NPIPB8: variants seen among roughly 807,000 people sequenced by gnomAD.
NPIPB8 encodes the protein nuclear pore complex-interacting protein family member B8.
A neutral mutation model predicts 5.3 loss-of-function variants in NPIPB8; 3 were observed. The ratio of observed to expected loss-of-function variants is 0.57; its 90% CI spans 0.26 to 1.47. The LOEUF (loss-of-function observed/expected upper bound fraction) is 1.47, where lower values mean the gene tolerates loss of function less well. NPIPB8 is among the 40% of genes most tolerant of loss of function. The probability of loss-of-function intolerance (pLI) is 0.13; values close to 1 mark genes in which losing one functional copy is unlikely to be tolerated. For missense variants in NPIPB8, 50 were observed against 50.2 expected (o/e 1.00, Z 0.01); for synonymous variants, 18 against 23.0 (o/e 0.78, Z 0.62).
intron 2 of NPIPB8, among the ~76,000 whole-genome samples, chr16:28,642,052 C>A (rs1466352963): frequency 6.6e-6 from 1 of 151,636 alleles, no homozygotes. Flanking sequence ...CTGACTTCAA[C>A]CCCCACTTAC....
chr16:28,639,967 T>G lies in NPIPB8; in HGVS notation c.120+1487T>G, dbSNP rs62035135. 2.5e-3 allele frequency among the ~76,000 whole-genome samples: 376 copies of G among 151,396 alleles called. 2 individuals carry two copies. Among genetic ancestry groups the G allele is most frequent in the Non-Finnish European group, 4.8e-3 (326 of 67,974 alleles). On this transcript the variant is annotated intron_variant, in intron 2 of 7. Coordinates refer to ENST00000683297, the MANE Select transcript of NPIPB8 (RefSeq NM_001310136.2). Reference sequence around the variant, plus strand: ...TGGCTAACATTGTGTACTCACTGTGTGTGCCAGGCCCTGGGTTCAATGCTC... The same window carrying G: ...TGGCTAACATTGTGTACTCACTGTGGGTGCCAGGCCCTGGGTTCAATGCTC...
At chr16:28,639,396 G>T (rs2047850715) in intron 2 of NPIPB8, among the ~76,000 whole-genome samples, 1 of 129,152 alleles carries the variant, frequency 7.7e-6, no homozygotes, top group Non-Finnish European at 1.7e-5. Context: ...GATTTATATA[G>T]ATACACACAC....
rs1220408641 is a variant in NPIPB8 at position 28,653,803 on chromosome 16, AT to A, written c.599+1441del. Among the ~76,000 whole-genome samples the A allele has an allele frequency of 2.0e-5, 2 of 97,740 alleles. 1 individual carries two copies. Among genetic ancestry groups the A allele is most frequent in the African/African-American group, 1.1e-4 (2 of 18,556 alleles). 64.1% of individuals were successfully genotyped at this position (97,740 alleles called of 152,430 possible). ...GCCAGGGTATTTCCTGTCCACCTCTATTCTGATGCATGACTCTTCTGGGTCT... is the reference window on the plus strand; with the variant it reads ...GCCAGGGTATTTCCTGTCCACCTCTATCTGATGCATGACTCTTCTGGGTCT... On this transcript the variant is annotated intron_variant, in intron 5 of 7. Coordinates refer to ENST00000683297, the MANE Select transcript of NPIPB8 (RefSeq NM_001310136.2).
rs747047175 is a variant in NPIPB8, at chr16:28,638,439, C to T, written c.79C>T (p.His27Tyr). 32 of 1,572,232 alleles carry T rather than the reference C, an allele frequency of 2.0e-5. No homozygotes were observed. The highest frequency in any genetic ancestry group is 2.1e-4 in the Middle Eastern group (1 of 4,746). Residue 27 changes from histidine (H) to tyrosine (Y), a missense_variant, in exon 2 of 8, where the codon CAT becomes TAT. Physicochemically the swap from His to Tyr is moderately conservative, Grantham distance 83. Transcript: ENST00000683297. ...QGQLTKELQQ[H>Y]VKSVTCPCEY... ...CCAGCTCACCAAGGAGCTGCAGCAG[C>T]ATGTAAAGTCAGTGACATGCCCATG... is the stretch of plus-strand genomic sequence containing the variant.
At position 28,638,317 on chromosome 16, in the gene NPIPB8, T is replaced by C. The variant is rs762393770; in HGVS notation, c.-38-6T>C. The C allele has an allele frequency of 8.3e-6, 13 of 1,559,100 alleles. No homozygotes were observed. The highest frequency in any genetic ancestry group is 1.1e-5 in the Non-Finnish European group (13 of 1,159,892). ...CAACAAACTTTTTTTCTTAATTGTC[T>C]AATAGGTTGGCACTCATCATGAGCC... On this transcript the variant is annotated splice_region_variant and splice_polypyrimidine_tract_variant and intron_variant, in intron 1 of 7. Coordinates refer to ENST00000683297, the MANE Select transcript of NPIPB8 (RefSeq NM_001310136.2).
chr16:28,642,155 G>T (rs1184551632), intron 2 of NPIPB8, among the ~76,000 whole-genome samples: 1 of 150,842 alleles, frequency 6.6e-6, no homozygotes, highest in Non-Finnish European at 1.5e-5. Flanking sequence ...ACCCAGGCTG[G>T]AGTGCAATGG....
At chr16:28,644,572 C>G (rs1311866319) in intron 2 of NPIPB8, 2 of 1,532,036 alleles carry the variant, frequency 1.3e-6, no homozygotes, top group Non-Finnish European at 1.8e-6. Flanking sequence ...CCTCAGGGCG[C>G]CCTGAAAGGA....
chr16:28,640,569 T>C (rs1283496227), intron 2 of NPIPB8, among the ~76,000 whole-genome samples: 1 of 152,060 alleles, frequency 6.6e-6, no homozygotes, highest in Admixed American at 6.6e-5. Context: ...AAATACTTGG[T>C]GGACTCCATT....
chr16:28,642,833 G>A (rs984474878), intron 2 of NPIPB8, among the ~76,000 whole-genome samples: 3 of 151,888 alleles, frequency 2.0e-5, no homozygotes, highest in African/African-American at 7.2e-5. Context: ...TCTATTTATG[G>A]TAAAGGCATT....
chr16:28,642,108 T>C (rs1389268037), intron 2 of NPIPB8, among the ~76,000 whole-genome samples: 2 of 66,980 alleles, frequency 3.0e-5, no homozygotes, highest in Non-Finnish European at 6.2e-5. Flanking sequence ...CTAGGGCTTC[T>C]TTTTTTTTTT....
chr16:28,641,852 C>T (rs1303060130), intron 2 of NPIPB8, among the ~76,000 whole-genome samples: 8 of 131,890 alleles, frequency 6.1e-5, no homozygotes, highest in African/African-American at 2.3e-4. Flanking sequence ...CATGAGGGAC[C>T]GCCTGCAAGG....
intron 2 of NPIPB8, among the ~76,000 whole-genome samples, chr16:28,642,160 C>G (rs1485451351): frequency 6.6e-6 from 1 of 151,122 alleles, no homozygotes; most frequent in Non-Finnish European, 1.5e-5. Context: ...GGCTGGAGTG[C>G]AATGGCACGA....
In NPIPB8 at chr16:28,639,982, G is replaced by T. The variant is rs2047866385; in HGVS notation, c.120+1502G>T. Among the ~76,000 whole-genome samples, 5 of 151,154 alleles carry T rather than the reference G, an allele frequency of 3.3e-5. No homozygotes were observed. The South Asian group carries it at 1.0e-3, about 32-fold the overall frequency. Reference sequence around the variant, plus strand: ...ACTCACTGTGTGTGCCAGGCCCTGGGTTCAATGCTCTACATGCACTTATAT... The same window carrying T: ...ACTCACTGTGTGTGCCAGGCCCTGGTTTCAATGCTCTACATGCACTTATAT... On this transcript the variant is annotated intron_variant, in intron 2 of 7. Coordinates refer to ENST00000683297, the MANE Select transcript of NPIPB8 (RefSeq NM_001310136.2).
intron 2 of NPIPB8, chr16:28,644,668 T>G: frequency 1.4e-6 from 2 of 1,405,774 alleles, no homozygotes; most frequent in Non-Finnish European, 1.9e-6. Flanking sequence ...GAGTAGACGC[T>G]GGACCCGCGG....
chr16:28,638,459 C>A lies in NPIPB8; in HGVS notation c.99C>A (p.Cys33Ter), dbSNP rs1464702444. The change falls in exon 2 of 8, where the codon TGC becomes TGA. Residue 33 changes from cysteine to a stop codon, truncating the protein, a stop_gained. Coordinates refer to ENST00000683297, the MANE Select transcript of NPIPB8 (RefSeq NM_001310136.2). LOFTEE classifies it high-confidence loss of function. ...ELQQHVKSVT[C>*]PCEYLRKVIN... ...AGCAGCATGTAAAGTCAGTGACATG[C>A]CCATGCGAGTACCTGAGGAAGGTGA... The A allele has an allele frequency of 9.6e-6, 15 of 1,569,714 alleles. No homozygotes were observed. The highest frequency in any genetic ancestry group is 1.2e-5 in the Non-Finnish European group (14 of 1,165,314).
chr16:28,651,611 T>C (rs2048043964), intron 3 of NPIPB8, among the ~76,000 whole-genome samples: 2 of 67,722 alleles, frequency 3.0e-5, no homozygotes, highest in Admixed American at 1.4e-4. Flanking sequence ...TTCTTGTGTG[T>C]GTGTGTGTGT....
In NPIPB8 at chr16:28,653,073, T is replaced by TA. The variant is rs1491384003; in HGVS notation, c.599+709_599+710insA. 7.3e-5 allele frequency among the ~76,000 whole-genome samples: 6 copies of TA among 82,162 alleles called. No individual in the cohort carries two copies. The South Asian group carries it at 2.5e-3, about 34-fold the overall frequency. The allele number at this position is 82,162 out of a possible 152,430, so 53.9% of individuals were successfully genotyped here. A position where few individuals can be genotyped will look rare whatever the true frequency, so the allele number is the denominator to read the frequency against. Reference sequence around the variant, plus strand: ...GGTGTGTGCCACCACATTCGGCCAATTTTTTTTTTTTTTTTTTGAGACAGA... The same window carrying TA: ...GGTGTGTGCCACCACATTCGGCCAATATTTTTTTTTTTTTTTTTGAGACAGA... On this transcript the variant is annotated intron_variant, in intron 5 of 7. Coordinates refer to ENST00000683297, the MANE Select transcript of NPIPB8 (RefSeq NM_001310136.2).
intron 2 of NPIPB8, among the ~76,000 whole-genome samples, chr16:28,640,094 C>A (rs1266221586): frequency 6.6e-6 from 1 of 151,620 alleles, no homozygotes; most frequent in Admixed American, 6.6e-5. Flanking sequence ...GAAAGTTAAG[C>A]CTGAGGTTAC....
chr16:28,644,600 G>A (rs760729255), intron 2 of NPIPB8: 94 of 1,514,752 alleles, frequency 6.2e-5, no homozygotes, highest in Middle Eastern at 4.8e-4. Context: ...ATGCGGCTGC[G>A]CTTTTGGCTC....
Sources: allele counts gnomAD v4.1 joint callset (sites outside exome capture counted in the v4.1 genomes callset), GRCh38; gene constraint gnomAD v4.1.1; transcripts MANE v1.5; gene names NCBI Gene and HGNC (gene_info 2026-07-23, HGNC 2026-07-21).